PCDHGA5: variants seen among roughly 807,000 people sequenced by gnomAD.
PCDHGA5 encodes the protein protocadherin gamma-A5.
In PCDHGA5, 36 loss-of-function variants were observed where a neutral mutation model predicts 56.7. That is an observed-to-expected ratio of 0.64 (90% confidence interval 0.49 to 0.84). The LOEUF (loss-of-function observed/expected upper bound fraction) is 0.84. Ranked by LOEUF, PCDHGA5 falls within the 40% of genes least tolerant of loss-of-function variation. The probability of loss-of-function intolerance (pLI) is 0.00; values close to 1 mark genes in which losing one functional copy is unlikely to be tolerated. For synonymous variants in PCDHGA5, 563 were observed against 520.2 expected (o/e 1.08, Z -1.12); for missense variants, 1,305 against 1,201.5 (o/e 1.09, Z -1.27).
At chr5:141,382,978 T>G in intron 1 of PCDHGA5, 1 of 1,610,702 alleles carries the variant, frequency 6.2e-7, no homozygotes, top group Non-Finnish European at 8.5e-7. Context: ...CTGGGAAGCC[T>G]GGGCAGGACG....
At chr5:141,496,402 G>T (rs551923899) in intron 2 of PCDHGA5, among the ~76,000 whole-genome samples, 183 of 152,248 alleles carry the variant, frequency 1.2e-3, no homozygotes, top group African/African-American at 4.0e-3. Flanking sequence ...CCTCCTCAAT[G>T]GTTGAGTACT....
At position 141,487,507 on chromosome 5, in the gene PCDHGA5, A is replaced by C; in HGVS notation, c.2422-7300A>C. 6.2e-7 allele frequency: 1 copy of C among 1,614,138 alleles called. No individual in the cohort carries two copies. Among genetic ancestry groups the C allele is most frequent in the Non-Finnish European group, 8.5e-7 (1 of 1,180,028 alleles). On this transcript the variant is annotated intron_variant, in intron 1 of 3. Coordinates refer to ENST00000518069, the MANE Select transcript of PCDHGA5 (RefSeq NM_018918.3). This position sits in a 1 kb window ranked among gnomAD's most constrained non-coding sequence, Gnocchi z 5.0. ...ATGGCTGTACACCCTTGGCTTCTGC[A>C]CCCACTCGGAGTGATAGCTTCATGA...
intron 1 of PCDHGA5, chr5:141,413,715 G>A (rs955570292): frequency 2.5e-6 from 4 of 1,613,472 alleles, no homozygotes; most frequent in Non-Finnish European, 3.4e-6. Context: ...GCCCCAATAA[G>A]CACTTCTCCC....
rs554037493 is a variant in PCDHGA5, at chr5:141,364,941, AAG to A, written c.615_616del (p.Glu205AspfsTer66). On this transcript the variant is annotated frameshift_variant, in exon 1 of 4. Coordinates refer to ENST00000518069, the MANE Select transcript of PCDHGA5 (RefSeq NM_018918.3). LOFTEE classifies it high-confidence loss of function. ...TTGGAACAGCCCCTAGACCGCGAGA[AAG>A]AGACTGTTCACGACCTCCTCCTCAC... is the stretch of plus-strand genomic sequence containing the variant. 73 of 1,613,952 alleles carry A rather than the reference AAG, an allele frequency of 4.5e-5. No homozygotes were observed. The East Asian group carries it at 1.6e-3, about 35-fold the overall frequency.
At position 141,432,009 on chromosome 5, in the gene PCDHGA5, G is replaced by T. The variant is rs1227754190; in HGVS notation, c.2422-62798G>T. ...GTCTTGGATAGGGAACAGGTTCCTAGCTACAACATCACAGTGACCGCCACT... is the reference window on the plus strand; with the variant it reads ...GTCTTGGATAGGGAACAGGTTCCTATCTACAACATCACAGTGACCGCCACT... On this transcript the variant is annotated intron_variant, in intron 1 of 3. Transcript: ENST00000518069. The surrounding 1 kb of genome is among the most constrained non-coding windows in gnomAD (Gnocchi z 6.0). 1 of 1,614,070 alleles carries T rather than the reference G, an allele frequency of 6.2e-7. No homozygotes were observed. The highest frequency in any genetic ancestry group is 8.5e-7 in the Non-Finnish European group (1 of 1,180,032).
intron 1 of PCDHGA5, among the ~76,000 whole-genome samples, chr5:141,446,315 G>A (rs556077331): frequency 6.6e-6 from 1 of 152,188 alleles, no homozygotes; most frequent in East Asian, 1.9e-4. Context: ...TGATTCCTGG[G>A]TTTCCACATT....
rs574920194 is a variant in PCDHGA5 at position 141,364,921 on chromosome 5, A to C, written c.591A>C (p.Glu197Asp). ...AAAAGTATCCGGAGCTGGTGTTGGA[A>C]CAGCCCCTAGACCGCGAGAAAGAGA... The part of the protein sequence containing the change: ...DGQKYPELVL[E>D]QPLDREKETV... The change falls in exon 1 of 4, where the codon GAA becomes GAC. Residue 197 changes from glutamate (E) to aspartate (D), a missense_variant. Coordinates refer to ENST00000518069, the MANE Select transcript of PCDHGA5 (RefSeq NM_018918.3). 2.2e-5 allele frequency: 36 copies of C among 1,613,954 alleles called. No individual in the cohort carries two copies. In the African/African-American group the frequency reaches 3.6e-4, roughly 16 times the overall value.
chr5:141,433,204 C>T, intron 1 of PCDHGA5: 6 of 1,566,938 alleles, frequency 3.8e-6, no homozygotes, highest in Admixed American at 2.0e-5. Flanking sequence ...ATCAAATCTT[C>T]TTTCTTTTTT....
At chr5:141,403,172 C>T in intron 1 of PCDHGA5, 1 of 1,614,018 alleles carries the variant, frequency 6.2e-7, no homozygotes, top group Non-Finnish European at 8.5e-7. Context: ...TAGGACGCAG[C>T]TTTTCTCTCT....
intron 1 of PCDHGA5, chr5:141,410,397 G>A (rs1338071222): frequency 1.9e-6 from 3 of 1,613,930 alleles, no homozygotes; most frequent in South Asian, 1.1e-5. Context: ...CCTGGTCTCT[G>A]TGTCAAGTCT....
chr5:141,403,532 C>A (rs1313886103), intron 1 of PCDHGA5: 1 of 1,613,892 alleles, frequency 6.2e-7, no homozygotes, highest in Non-Finnish European at 8.5e-7. Context: ...AAACCCAGAG[C>A]TGGTGCTGGA....
intron 1 of PCDHGA5, chr5:141,371,175 G>A: frequency 3.1e-6 from 5 of 1,614,004 alleles, no homozygotes; most frequent in Non-Finnish European, 4.2e-6. Flanking sequence ...TGGCTCCTCC[G>A]TATTAAAAGT....
rs1032445242 is a variant in PCDHGA5 at position 141,487,571 on chromosome 5, G to C, written c.2422-7236G>C. The C allele has an allele frequency of 6.2e-7, 1 of 1,614,060 alleles. No homozygotes were observed. The highest frequency in any genetic ancestry group is 8.5e-7 in the Non-Finnish European group (1 of 1,180,046). ...CAGTGCACCTATGGCAGGGGAGCCTGTTCGCCCAAGCTGCCCACCCTCTGA... is the reference window on the plus strand; with the variant it reads ...CAGTGCACCTATGGCAGGGGAGCCTCTTCGCCCAAGCTGCCCACCCTCTGA... On this transcript the variant is annotated intron_variant, in intron 1 of 3. Transcript: ENST00000518069. This position sits in a 1 kb window ranked among gnomAD's most constrained non-coding sequence, Gnocchi z 5.0.
intron 1 of PCDHGA5, chr5:141,414,525 T>C (rs1413988459): frequency 1.2e-6 from 2 of 1,613,972 alleles, no homozygotes; most frequent in South Asian, 1.1e-5. Flanking sequence ...CAGATATCAA[T>C]GACAACCCAC....
chr5:141,393,744 G>T (rs770821376), intron 1 of PCDHGA5: 3 of 1,613,868 alleles, frequency 1.9e-6, no homozygotes, highest in South Asian at 2.2e-5. Context: ...AGATTATGAA[G>T]AATGTTCATT....
intron 1 of PCDHGA5, among the ~76,000 whole-genome samples, chr5:141,484,535 A>G (rs2099597486): frequency 6.6e-6 from 1 of 152,178 alleles, no homozygotes. Flanking sequence ...AGTATATGGC[A>G]GTGGTTCTAA....
chr5:141,380,676 T>TA (rs1776652796), intron 1 of PCDHGA5, among the ~76,000 whole-genome samples: 1 of 152,246 alleles, frequency 6.6e-6, no homozygotes, highest in Non-Finnish European at 1.5e-5. Flanking sequence ...ATAGGGTATG[T>TA]ATGCTTTGTG....
chr5:141,385,111 T>C (rs373196114), intron 1 of PCDHGA5: 1 of 1,614,188 alleles, frequency 6.2e-7, no homozygotes, highest in South Asian at 1.1e-5. Context: ...CGTGCCCACC[T>C]CGCACTTTGT....
At position 141,477,965 on chromosome 5, in the gene PCDHGA5, A is replaced by G. The variant is rs1415974296; in HGVS notation, c.2422-16842A>G. On this transcript the variant is annotated intron_variant, in intron 1 of 3. Coordinates refer to ENST00000518069, the MANE Select transcript of PCDHGA5 (RefSeq NM_018918.3). This position sits in a 1 kb window ranked among gnomAD's most constrained non-coding sequence, Gnocchi z 4.9. ...CAGTCTCTTGGGATCCCCTAACCAGAGCCTTTTTGCCATAGGGCTGCACAC... is the reference window on the plus strand; with the variant it reads ...CAGTCTCTTGGGATCCCCTAACCAGGGCCTTTTTGCCATAGGGCTGCACAC... 4 of 1,614,030 alleles carry G rather than the reference A, an allele frequency of 2.5e-6. No individual in the cohort carries two copies. In the Middle Eastern group the frequency reaches 4.9e-4, roughly 200 times the overall value.
Sources: gnomAD v4.1 joint callset for allele counts (sites outside exome capture counted in the v4.1 genomes callset) on GRCh38, gnomAD v4.1.1 for gene constraint, Gnocchi (gnomAD v3.1) non-coding constraint, MANE v1.5 for transcripts, NCBI Gene and HGNC (gene_info 2026-07-23, HGNC 2026-07-21) for gene names.